Variants in RPS6KC1 observed in about 807,000 individuals in gnomAD.
RPS6KC1 encodes ribosomal protein S6 kinase C1, also known as inactive ribosomal protein S6 kinase delta-1.
RPS6KC1 carries 54 observed loss-of-function variants against 103.8 expected under a neutral mutation model. The observed-to-expected ratio is 0.52, with a 90% CI of 0.42 to 0.65. RPS6KC1 has a LOEUF of 0.65. Among genes scored for constraint, RPS6KC1 ranks in the 30% least tolerant of loss-of-function variants. The pLI, the probability that RPS6KC1 is intolerant of heterozygous loss-of-function variation, is 0.00. For synonymous variants in RPS6KC1, 439 were observed against 438.7 expected, an observed-to-expected ratio of 1.00 and a Z score of -0.01; for missense variants, 1,151 against 1,253.8, an observed-to-expected ratio of 0.92 and a Z score of 1.24.
At chr1:213,520,212 G>A in the RPS6KC1 span, among the ~76,000 whole-genome samples, 1 of 152,134 alleles carries the variant, frequency 6.6e-6, no homozygotes, top group Non-Finnish European at 1.5e-5. Flanking sequence ...GAGGTTTAAT[G>A]GACTCACAGT....
chr1:213,125,506 G>A (rs1242372416), intron 5 of RPS6KC1, among the ~76,000 whole-genome samples: 1 of 151,958 alleles, frequency 6.6e-6, no homozygotes, highest in Admixed American at 6.6e-5. Flanking sequence ...GGTGAAAGAA[G>A]CAATTTTGCG....
chr1:213,155,241 C>T (rs1218518666), intron 6 of RPS6KC1, among the ~76,000 whole-genome samples: 1 of 152,108 alleles, frequency 6.6e-6, no homozygotes, highest in Non-Finnish European at 1.5e-5. Flanking sequence ...TGCCAGCCCT[C>T]CCTTGACTGC....
the RPS6KC1 span, among the ~76,000 whole-genome samples, chr1:213,649,749 C>T: frequency 6.6e-6 from 1 of 152,118 alleles, no homozygotes; most frequent in African/African-American, 2.4e-5. Context: ...CTCAATTATA[C>T]CTGCCTTCCT....
chr1:213,640,187 A>G, the RPS6KC1 span, among the ~76,000 whole-genome samples: 1 of 151,956 alleles, frequency 6.6e-6, no homozygotes, highest in South Asian at 2.1e-4. Flanking sequence ...ATTATCATGC[A>G]TATAGTATTC....
chr1:213,478,902 A>T, the RPS6KC1 span, among the ~76,000 whole-genome samples: 1 of 152,022 alleles, frequency 6.6e-6, no homozygotes. Context: ...AACAATTCTC[A>T]TGAATTTGAT....
At chr1:213,405,459 A>T in the RPS6KC1 span, among the ~76,000 whole-genome samples, 1 of 152,190 alleles carries the variant, frequency 6.6e-6, no homozygotes, top group African/African-American at 2.4e-5. Flanking sequence ...AAAATTCACC[A>T]GCATCTCTGA....
At chr1:213,574,819 A>C in the RPS6KC1 span, among the ~76,000 whole-genome samples, 1 of 152,162 alleles carries the variant, frequency 6.6e-6, no homozygotes, top group African/African-American at 2.4e-5. Context: ...TGGGTAAACT[A>C]AGGGAAACGA....
At chr1:213,620,036 G>A in the RPS6KC1 span, among the ~76,000 whole-genome samples, 13 of 152,152 alleles carry the variant, frequency 8.5e-5, no homozygotes, top group South Asian at 2.1e-4. Flanking sequence ...AAGTATAGCC[G>A]TACGTAAGTA....
chr1:213,255,713 A>G (rs1048377818), intron 12 of RPS6KC1, among the ~76,000 whole-genome samples: 1 of 152,236 alleles, frequency 6.6e-6, no homozygotes, highest in Non-Finnish European at 1.5e-5. Context: ...GCAACCAAAT[A>G]AAGTCCTTTG....
At chr1:213,492,734 G>A in the RPS6KC1 span, among the ~76,000 whole-genome samples, 5 of 152,186 alleles carry the variant, frequency 3.3e-5, no homozygotes, top group African/African-American at 9.7e-5. Context: ...GTGAGCTCTC[G>A]CTCCTTCTTT....
chr1:213,157,058 T>C (rs149872052), intron 6 of RPS6KC1, among the ~76,000 whole-genome samples: 146 of 152,326 alleles, frequency 9.6e-4, no homozygotes, highest in Middle Eastern at 3.4e-3. Flanking sequence ...AGTGTCCCTC[T>C]AAGCACTGCT....
At chr1:213,344,540 C>T in the RPS6KC1 span, among the ~76,000 whole-genome samples, 56 of 146,256 alleles carry the variant, frequency 3.8e-4, 1 homozygote, top group Non-Finnish European at 9.1e-5. Context: ...ACTTATTGTG[C>T]TTTTTTTTTT....
At chr1:213,662,556 G>A in the RPS6KC1 span, among the ~76,000 whole-genome samples, 1 of 151,860 alleles carries the variant, frequency 6.6e-6, no homozygotes, top group African/African-American at 2.4e-5. Flanking sequence ...GGGGTTACAG[G>A]CGTGAGCCAC....
chr1:213,317,910 A>G, the RPS6KC1 span, among the ~76,000 whole-genome samples: 1 of 152,236 alleles, frequency 6.6e-6, no homozygotes, highest in African/African-American at 2.4e-5. Flanking sequence ...AGGAGGAAAC[A>G]GTCACCTGCA....
At chr1:213,786,440 A>T in the RPS6KC1 span, among the ~76,000 whole-genome samples, 1 of 152,202 alleles carries the variant, frequency 6.6e-6, no homozygotes, top group Non-Finnish European at 1.5e-5. Context: ...CTATCATAGT[A>T]CAGTGAGTAG....
intron 6 of RPS6KC1, among the ~76,000 whole-genome samples, chr1:213,133,873 C>A (rs1182712871): frequency 1.3e-5 from 2 of 152,108 alleles, no homozygotes; most frequent in African/African-American, 4.8e-5. Context: ...CTCACATGTT[C>A]CTCCTAATTA....
intron 3 of RPS6KC1, among the ~76,000 whole-genome samples, chr1:213,092,231 C>T (rs557412495): frequency 6.6e-5 from 10 of 152,254 alleles, no homozygotes; most frequent in African/African-American, 1.9e-4. Flanking sequence ...AGAGAACACA[C>T]GTACACACAT....
At chr1:213,233,077 T>C (rs1229023188) in intron 10 of RPS6KC1, among the ~76,000 whole-genome samples, 1 of 152,208 alleles carries the variant, frequency 6.6e-6, no homozygotes, top group Non-Finnish European at 1.5e-5. Context: ...GTATTTAATA[T>C]AATTTTTTAG....
intron 6 of RPS6KC1, among the ~76,000 whole-genome samples, chr1:213,162,714 ACT>A (rs1175160820): frequency 6.6e-6 from 1 of 152,206 alleles, no homozygotes; most frequent in African/African-American, 2.4e-5. Context: ...GGTATTTAAC[ACT>A]CTATGATATA....
Sources: allele counts gnomAD v4.1 joint callset (sites outside exome capture counted in the v4.1 genomes callset), GRCh38; gene constraint gnomAD v4.1.1; transcripts MANE v1.5; gene names NCBI Gene and HGNC (gene_info 2026-07-23, HGNC 2026-07-21).